AMPH: variants seen among roughly 807,000 people sequenced by gnomAD.
AMPH encodes the protein amphiphysin, also known as amphiphysin (Stiff-Mann syndrome with breast cancer 128kD autoantigen).
Under a neutral mutation model 99.1 loss-of-function variants are expected in AMPH, and 49 were observed. That is an observed-to-expected ratio of 0.49 (90% CI 0.39 to 0.63). The LOEUF (loss-of-function observed/expected upper bound fraction) is 0.63. Ranked by LOEUF, AMPH falls within the 20% of genes least tolerant of loss-of-function variation. The pLI, the probability that AMPH is intolerant of heterozygous loss-of-function variation, is 0.00. For synonymous variants in AMPH, 314 were observed against 317.3 expected (o/e 0.99, Z 0.11); for missense variants, 759 against 863.4 (o/e 0.88, Z 1.52).
chr7:38,524,084 T>A (rs1049961657), intron 2 of AMPH, among the ~76,000 whole-genome samples: 3 of 152,164 alleles, frequency 2.0e-5, no homozygotes, highest in Admixed American at 1.3e-4. Context: ...CAAATTAACA[T>A]GATGTGTGTT....
intron 1 of AMPH, among the ~76,000 whole-genome samples, chr7:38,540,915 C>CA (rs777800352): frequency 6.7e-5 from 10 of 150,090 alleles, no homozygotes; most frequent in Non-Finnish European, 1.5e-4. Flanking sequence ...CTGGGTGACT[C>CA]ACGCTTCCTT....
At chr7:38,491,738 A>G (rs1353322922) in intron 4 of AMPH, among the ~76,000 whole-genome samples, 18 of 152,218 alleles carry the variant, frequency 1.2e-4, no homozygotes, top group Non-Finnish European at 1.5e-5. Flanking sequence ...TTATTTCCAC[A>G]ATACAGAAGA....
In AMPH at chr7:38,610,867, G is replaced by C. The variant is rs185794618; in HGVS notation, c.69+20416C>G. Among the ~76,000 whole-genome samples the C allele has an allele frequency of 2.6e-4, 40 of 152,280 alleles. No individual in the cohort carries two copies. In the East Asian group the frequency reaches 5.6e-3, roughly 21 times the overall value. On this transcript the variant is annotated intron_variant, in intron 1 of 20. Transcript: ENST00000356264. The stretch of plus-strand genomic sequence containing the variant: ...AGTTAAGGAGTATAAGGACAGAGCA[G>C]CAGAATGAGAGAATAGAAAGGAAGA...
intron 12 of AMPH, among the ~76,000 whole-genome samples, chr7:38,433,947 C>T (rs1053184526): frequency 6.6e-6 from 1 of 151,970 alleles, no homozygotes; most frequent in African/African-American, 2.4e-5. Flanking sequence ...CACTTGAAAA[C>T]ATGGGGTCAG....
intron 2 of AMPH, among the ~76,000 whole-genome samples, chr7:38,513,321 T>C (rs1177558305): frequency 6.6e-6 from 1 of 152,192 alleles, no homozygotes; most frequent in Non-Finnish European, 1.5e-5. Flanking sequence ...AATTTCATAC[T>C]ATTTAGCAAG....
chr7:38,422,347 C>T, intron 16 of AMPH, 74 bp downstream of exon 16: 1 of 1,261,056 alleles, frequency 7.9e-7, no homozygotes, highest in South Asian at 1.3e-5. Context: ...CTCTAGACAG[C>T]CTAGAATGAT....
intron 2 of AMPH, among the ~76,000 whole-genome samples, chr7:38,515,013 A>C (rs1385810250): frequency 1.3e-5 from 2 of 152,206 alleles, no homozygotes; most frequent in African/African-American, 4.8e-5. Flanking sequence ...GAGGAGAGCT[A>C]TAGGAAAAAC....
At chr7:38,407,666 T>G (rs904632517) in intron 17 of AMPH, among the ~76,000 whole-genome samples, 16 of 151,988 alleles carry the variant, frequency 1.1e-4, no homozygotes, top group Admixed American at 6.6e-4. Flanking sequence ...TACACTAAGG[T>G]AAATTATACA....
In AMPH at chr7:38,398,867, A is replaced by G. The variant is rs181682320; in HGVS notation, c.1399-4653T>C. On this transcript the variant is annotated intron_variant, in intron 17 of 20. Transcript: ENST00000356264. ...AAATAAACATAAAATAAAATAATAA[A>G]AAACAGGTATTAGCTGCTGTGACAC... Among the ~76,000 whole-genome samples the G allele has an allele frequency of 3.0e-3, 453 of 152,296 alleles. 2 individuals carry two copies. The highest frequency in any genetic ancestry group is 5.4e-3 in the Admixed American group (82 of 15,290).
chr7:38,430,307 G>A (rs1264957938), intron 13 of AMPH, among the ~76,000 whole-genome samples: 1 of 152,176 alleles, frequency 6.6e-6, no homozygotes, highest in Non-Finnish European at 1.5e-5. Flanking sequence ...TCTTTGAGAT[G>A]GGTGTTTAGA....
At chr7:38,509,567 A>G (rs556223942) in intron 2 of AMPH, among the ~76,000 whole-genome samples, 116 of 152,326 alleles carry the variant, frequency 7.6e-4, no homozygotes, top group African/African-American at 2.6e-3. Flanking sequence ...ACCGCCATCA[A>G]ATCATCACAG....
At chr7:38,629,587 T>C (rs1376964333) in intron 1 of AMPH, among the ~76,000 whole-genome samples, 2 of 152,236 alleles carry the variant, frequency 1.3e-5, no homozygotes, top group Admixed American at 6.5e-5. Context: ...GCTGGTGACC[T>C]AGATTAAGAA....
At chr7:38,527,556 A>G (rs903333581) in intron 2 of AMPH, among the ~76,000 whole-genome samples, 51 of 152,330 alleles carry the variant, frequency 3.3e-4, no homozygotes, top group African/African-American at 1.1e-3. Context: ...CATTGTGAGT[A>G]TATAGAAATG....
At chr7:38,410,308 T>C (rs1785176890) in intron 17 of AMPH, among the ~76,000 whole-genome samples, 1 of 152,092 alleles carries the variant, frequency 6.6e-6, no homozygotes, top group South Asian at 2.1e-4. Flanking sequence ...TTGGCAAAAC[T>C]CCCAAACCTG....
chr7:38,604,858 T>C (rs765806391), intron 1 of AMPH, among the ~76,000 whole-genome samples: 1 of 152,246 alleles, frequency 6.6e-6, no homozygotes, highest in Non-Finnish European at 1.5e-5. Flanking sequence ...AGAACAGCAT[T>C]TTCCTTCATT....
intron 3 of AMPH, 146 bp downstream of exon 3, chr7:38,503,504 G>T (rs10268443): frequency 5.5e-5 from 28 of 512,782 alleles, no homozygotes; most frequent in Middle Eastern, 3.1e-4. Context: ...GCGGGGGGGT[G>T]GGTGGTGGAA....
intron 1 of AMPH, among the ~76,000 whole-genome samples, chr7:38,600,428 G>A (rs986249725): frequency 2.6e-5 from 4 of 152,028 alleles, no homozygotes; most frequent in Non-Finnish European, 4.4e-5. Context: ...AATGACTTCA[G>A]TGTCAGCATA....
In AMPH at chr7:38,501,842, C is replaced by T. The variant is rs115565637; in HGVS notation, c.205+1808G>A. ...AATGCTCTCCAGAAAAGCTATCCTC[C>T]CAGCAATACATGAATGGAGTCCACT... On this transcript the variant is annotated intron_variant, in intron 3 of 20. Coordinates refer to ENST00000356264, the MANE Select transcript of AMPH (RefSeq NM_001635.4). 8.1e-3 allele frequency among the ~76,000 whole-genome samples: 1,227 copies of T among 151,862 alleles called. 17 individuals are homozygous for T. Among genetic ancestry groups the T allele is most frequent in the African/African-American group, 0.028 (1,167 of 41,434 alleles).
chr7:38,620,871 G>T (rs1375372834), intron 1 of AMPH, among the ~76,000 whole-genome samples: 1 of 152,158 alleles, frequency 6.6e-6, no homozygotes, highest in Admixed American at 6.5e-5. Context: ...TGTCAAGGGG[G>T]CAACTATGCC....
Sources: gnomAD v4.1 joint callset for allele counts (sites outside exome capture counted in the v4.1 genomes callset) on GRCh38, gnomAD v4.1.1 for gene constraint, MANE v1.5 for transcripts, NCBI Gene and HGNC (gene_info 2026-07-23, HGNC 2026-07-21) for gene names.